The following NEGR1 variants were observed in gnomAD, a reference collection of about 807,000 sequenced individuals.
NEGR1 encodes IgLON family member 4.
A neutral mutation model predicts 40.9 loss-of-function variants in NEGR1; 10 were observed. The ratio of observed to expected loss-of-function variants is 0.24; its 90% CI spans 0.15 to 0.42. The LOEUF (loss-of-function observed/expected upper bound fraction) is 0.42, where lower values mean the gene tolerates loss of function less well. Among genes scored for constraint, NEGR1 ranks in the 10% least tolerant of loss-of-function variants. NEGR1 has a pLI of 1.00. For missense variants in NEGR1, 352 were observed against 438.9 expected (o/e 0.80, Z 1.77); for synonymous variants, 185 against 166.8 (o/e 1.11, Z -0.84).
At chr1:71,595,236 C>A (rs970936570) in intron 5 of NEGR1, among the ~76,000 whole-genome samples, 2 of 152,182 alleles carry the variant, frequency 1.3e-5, no homozygotes, top group Non-Finnish European at 2.9e-5. Flanking sequence ...GTGCTCCAAC[C>A]CCTGCTACTC....
At chr1:71,659,773 G>A (rs757646449) in intron 4 of NEGR1, among the ~76,000 whole-genome samples, 3 of 152,138 alleles carry the variant, frequency 2.0e-5, no homozygotes, top group Non-Finnish European at 4.4e-5. Context: ...AAGCCACAAT[G>A]AGATGCCATC....
chr1:71,491,820 T>G lies in NEGR1; in HGVS notation c.941-84250A>C, dbSNP rs375035100. Among the ~76,000 whole-genome samples the G allele has an allele frequency of 5.9e-5, 9 of 152,128 alleles. No homozygotes were observed. In the East Asian group the frequency reaches 1.2e-3, roughly 20 times the overall value. The stretch of plus-strand genomic sequence containing the variant: ...AAGACAGAAGAATGTGCTTATTGGC[T>G]TTTTCTTCTATCATTTAATAGAGTG... On this transcript the variant is annotated intron_variant, in intron 6 of 6. Coordinates refer to ENST00000357731, the MANE Select transcript of NEGR1 (RefSeq NM_173808.3).
intron 1 of NEGR1, among the ~76,000 whole-genome samples, chr1:72,096,798 C>A (rs1648717586): frequency 6.6e-6 from 1 of 151,962 alleles, no homozygotes; most frequent in African/African-American, 2.4e-5. Context: ...GTAGCTGGGA[C>A]TGCTGGCGCC....
At chr1:71,790,033 C>G (rs1657052658) in intron 2 of NEGR1, among the ~76,000 whole-genome samples, 2 of 152,040 alleles carry the variant, frequency 1.3e-5, no homozygotes, top group Admixed American at 1.3e-4. Flanking sequence ...CAAGGATTAG[C>G]TATGCCAAAA....
chr1:72,073,630 A>G (rs1475842370), intron 1 of NEGR1, among the ~76,000 whole-genome samples: 1 of 152,138 alleles, frequency 6.6e-6, no homozygotes, highest in Non-Finnish European at 1.5e-5. Flanking sequence ...TGCTACATAT[A>G]TACTTTCTTA....
At chr1:72,115,843 C>A (rs1175565683) in intron 1 of NEGR1, among the ~76,000 whole-genome samples, 1 of 151,538 alleles carries the variant, frequency 6.6e-6, no homozygotes, top group Non-Finnish European at 1.5e-5. Context: ...TGGTGCCATC[C>A]TTATGGTGGG....
At chr1:72,102,062 A>G (rs1328508834) in intron 1 of NEGR1, among the ~76,000 whole-genome samples, 2 of 152,114 alleles carry the variant, frequency 1.3e-5, no homozygotes, top group Non-Finnish European at 2.9e-5. Context: ...AACTCTAATA[A>G]GCAGTATTTG....
chr1:71,988,923 T>TAAAAAAAAAAAAAAAAAAAAAAAAAAA (rs10604833), intron 1 of NEGR1, among the ~76,000 whole-genome samples: 1 of 82,258 alleles, frequency 1.2e-5, no homozygotes, highest in Admixed American at 1.5e-4. Context: ...TATTGGATGT[T>TAAAAAAAAAAAAAAAAAAAAAAAAAAA]AAAAAAAAAA....
intron 2 of NEGR1, among the ~76,000 whole-genome samples, chr1:71,900,375 T>G (rs374407670): frequency 2.6e-5 from 4 of 152,334 alleles, no homozygotes; most frequent in Admixed American, 6.5e-5. Flanking sequence ...AATGTTATTA[T>G]GAATTAAAAT....
At chr1:71,445,804 T>G (rs1436992290) in intron 6 of NEGR1, among the ~76,000 whole-genome samples, 1 of 152,174 alleles carries the variant, frequency 6.6e-6, no homozygotes, top group African/African-American at 2.4e-5. Context: ...TTCTGCAATC[T>G]CAGTTATGTG....
At chr1:72,172,059 T>G (rs1173763413) in intron 1 of NEGR1, among the ~76,000 whole-genome samples, 1 of 152,152 alleles carries the variant, frequency 6.6e-6, no homozygotes, top group African/African-American at 2.4e-5. Flanking sequence ...AGTAGTGGCT[T>G]GGAACTAAAC....
intron 6 of NEGR1, among the ~76,000 whole-genome samples, chr1:71,459,441 C>T (rs1469712469): frequency 6.6e-6 from 1 of 152,192 alleles, no homozygotes; most frequent in African/African-American, 2.4e-5. Context: ...ACTTAATAGA[C>T]TTTGAAGACT....
intron 1 of NEGR1, among the ~76,000 whole-genome samples, chr1:72,087,698 T>C (rs562412514): frequency 6.6e-6 from 1 of 150,754 alleles, no homozygotes; most frequent in Non-Finnish European, 1.5e-5. Context: ...AACTCAGTGA[T>C]CCTCCCACCT....
Position 71,776,152 on chromosome 1 carries a change from C to T in NEGR1, c.535+20G>A. 2 of 1,602,058 alleles carry T rather than the reference C, an allele frequency of 1.2e-6. No homozygotes were observed. The highest frequency in any genetic ancestry group is 1.7e-6 in the Non-Finnish European group (2 of 1,172,802). ...AGAAAAATGAACAGCACAAACAACA[C>T]TAATGCATTCCTACTTTACCTGATG... On this transcript the variant is annotated intron_variant, in intron 3 of 6. Coordinates refer to ENST00000357731, the MANE Select transcript of NEGR1 (RefSeq NM_173808.3).
At position 71,546,836 on chromosome 1, in the gene NEGR1, G is replaced by C. The variant is rs761219241; in HGVS notation, c.940+45981C>G. On this transcript the variant is annotated intron_variant, in intron 6 of 6. Coordinates refer to ENST00000357731, the MANE Select transcript of NEGR1 (RefSeq NM_173808.3). ...GTAGAAAAGAAAGCCTGCAGGACTT[G>C]AGGAACAAGAACAATGTAGGTTAAG... is the stretch of plus-strand genomic sequence containing the variant. 2.0e-5 allele frequency among the ~76,000 whole-genome samples: 3 copies of C among 151,588 alleles called. No individual in the cohort carries two copies. The East Asian group carries it at 5.9e-4, about 30-fold the overall frequency.
At chr1:71,896,407 A>G (rs1015191906) in intron 2 of NEGR1, among the ~76,000 whole-genome samples, 2 of 152,106 alleles carry the variant, frequency 1.3e-5, no homozygotes, top group African/African-American at 4.8e-5. Flanking sequence ...TCATCATTTT[A>G]TTGTTGAGCT....
At chr1:71,554,278 C>T (rs1648180001) in intron 6 of NEGR1, among the ~76,000 whole-genome samples, 1 of 151,332 alleles carries the variant, frequency 6.6e-6, no homozygotes, top group Non-Finnish European at 1.5e-5. Context: ...CAATCAAGTG[C>T]TAATCATAGA....
chr1:71,952,783 T>G (rs555793934), intron 1 of NEGR1, among the ~76,000 whole-genome samples: 23 of 151,846 alleles, frequency 1.5e-4, no homozygotes, highest in Non-Finnish European at 2.8e-4. Flanking sequence ...CTGATGACTT[T>G]AAGTTGAAGC....
chr1:71,974,200 T>C (rs1646282986), intron 1 of NEGR1, among the ~76,000 whole-genome samples: 1 of 152,164 alleles, frequency 6.6e-6, no homozygotes, highest in South Asian at 2.1e-4. Context: ...CAACTGTTCA[T>C]TGGACATGCT....
Sources: gnomAD v4.1 joint callset for allele counts (sites outside exome capture counted in the v4.1 genomes callset) on GRCh38, gnomAD v4.1.1 for gene constraint, MANE v1.5 for transcripts, NCBI Gene and HGNC (gene_info 2026-07-23, HGNC 2026-07-21) for gene names.